The following NAV1 variants were observed in gnomAD, a reference collection of about 807,000 sequenced individuals.
NAV1 encodes the protein neuron navigator 1.
Under a neutral mutation model 175.2 loss-of-function variants are expected in NAV1, and 18 were observed. The ratio of observed to expected loss-of-function variants is 0.10; its 90% CI spans 0.07 to 0.15. The LOEUF is 0.15. Among genes scored for constraint, NAV1 ranks in the 10% least tolerant of loss-of-function variants. The probability of loss-of-function intolerance (pLI) is 1.00; values close to 1 mark genes in which losing one functional copy is unlikely to be tolerated. For synonymous variants in NAV1, 897 were observed against 978.7 expected (o/e 0.92, Z 1.56); for missense variants, 1,731 against 2,436.6 (o/e 0.71, Z 6.10).
At chr1:201,583,848 G>A (rs541722247) in intron 1 of NAV1, among the ~76,000 whole-genome samples, 3 of 152,354 alleles carry the variant, frequency 2.0e-5, no homozygotes, top group East Asian at 1.9e-4. Flanking sequence ...GTGCCTGGGG[G>A]AGAGGAGCCA....
intron 13 of NAV1, chr1:201,792,290 G>A (rs978837922): frequency 6.6e-6 from 1 of 151,934 alleles, no homozygotes; most frequent in African/African-American, 2.4e-5. Context: ...CCAAACTTTT[G>A]TCATGTTCCA....
intron 1 of NAV1, among the ~76,000 whole-genome samples, chr1:201,554,011 C>G (rs569567193): frequency 6.6e-6 from 1 of 152,250 alleles, no homozygotes; most frequent in African/African-American, 2.4e-5. Flanking sequence ...TGTTCAGTGT[C>G]ACCTTCTTTG....
exon 1 of NAV1, chr1:201,649,021 C>T: frequency 1.9e-6 from 3 of 1,613,594 alleles, no homozygotes; most frequent in Admixed American, 3.3e-5. Flanking sequence ...ATGGCCAAGG[C>T]GCCCAAAGGC....
intron 2 of NAV1, among the ~76,000 whole-genome samples, chr1:201,642,525 T>TTCTTTCTTTC (rs1553247051): frequency 3.0e-5 from 3 of 100,412 alleles, no homozygotes; most frequent in East Asian, 2.7e-4. Flanking sequence ...TTCTTTCTTT[T>TTCTTTCTTTC]TTTCTTTCTT....
chr1:201,646,658 C>T (rs558312986), upstream of NAV1, among the ~76,000 whole-genome samples: 36 of 152,226 alleles, frequency 2.4e-4, no homozygotes, highest in African/African-American at 7.5e-4. Flanking sequence ...ATCCCTGTCA[C>T]GGCAGATTTT....
intron 20 of NAV1, 140 bp downstream of exon 24, chr1:201,809,011 G>C: frequency 7.7e-7 from 1 of 1,290,556 alleles, no homozygotes; most frequent in Non-Finnish European, 1.1e-6. Flanking sequence ...ACACTGAGTT[G>C]TAATGGTCCT....
intron 1 of NAV1, among the ~76,000 whole-genome samples, chr1:201,665,934 G>A (rs1669807309): frequency 6.6e-6 from 1 of 151,828 alleles, no homozygotes; most frequent in African/African-American, 2.4e-5. Context: ...TTCCTCTTCT[G>A]GTTTCCAGTC....
chr1:201,648,367 T>A (rs2102329599), exon 1 of NAV1: 1 of 1,216,650 alleles, frequency 8.2e-7, no homozygotes, highest in Non-Finnish European at 1.0e-6. Context: ...TTTTAAATTT[T>A]AATTTGTATT....
exon 5 of NAV1, chr1:201,781,263 A>G (rs1159513303): frequency 1.2e-6 from 2 of 1,613,740 alleles, no homozygotes. Flanking sequence ...CTGTGGCTGT[A>G]ACTTCCCCCA....
intron 15 of NAV1, among the ~76,000 whole-genome samples, chr1:201,798,962 A>G (rs1401990025): frequency 6.6e-6 from 1 of 151,972 alleles, no homozygotes; most frequent in African/African-American, 2.4e-5. Flanking sequence ...TCAGCCTCCC[A>G]AAGTGTTGGG....
At chr1:201,726,010 G>A (rs1672591023) in intron 3 of NAV1, among the ~76,000 whole-genome samples, 1 of 152,206 alleles carries the variant, frequency 6.6e-6, no homozygotes, top group South Asian at 2.1e-4. Context: ...GGTACTTATT[G>A]GGTCCACAGT....
intron 3 of NAV1, among the ~76,000 whole-genome samples, chr1:201,749,816 A>G (rs1673994106): frequency 6.6e-6 from 1 of 152,166 alleles, no homozygotes; most frequent in South Asian, 2.1e-4. Flanking sequence ...TTGGAGGATC[A>G]CTTGAGCCTA....
chr1:201,635,233 G>A (rs569005768), intron 2 of NAV1, among the ~76,000 whole-genome samples: 2 of 151,240 alleles, frequency 1.3e-5, no homozygotes, highest in Admixed American at 1.3e-4. Flanking sequence ...TTTTAGTAGA[G>A]ACGGGGTTTC....
chr1:201,552,336 T>C (rs190321242), intron 1 of NAV1, among the ~76,000 whole-genome samples: 1 of 152,288 alleles, frequency 6.6e-6, no homozygotes, highest in Non-Finnish European at 1.5e-5. Context: ...TGATTGATTA[T>C]TTGGCAGGGT....
chr1:201,564,357 G>A (rs1666293691), intron 1 of NAV1, among the ~76,000 whole-genome samples: 1 of 152,214 alleles, frequency 6.6e-6, no homozygotes, highest in Non-Finnish European at 1.5e-5. Context: ...GCTCACGCCT[G>A]TAATCCCAGC....
intron 11 of NAV1, 90 bp downstream of exon 15, chr1:201,789,882 G>A (rs900868070): frequency 1.3e-5 from 16 of 1,225,434 alleles, no homozygotes; most frequent in Middle Eastern, 3.9e-4. Flanking sequence ...GTAACTGGGC[G>A]GGGGATGGGG....
At chr1:201,823,822 A>C (rs188699762) in exon 30 of NAV1, 14 of 152,350 alleles carry the variant, frequency 9.2e-5, no homozygotes, top group Non-Finnish European at 7.3e-5. Flanking sequence ...AACAAGGGTC[A>C]CACTACTCAG....
At chr1:201,701,679 C>T (rs1037725424) in intron 1 of NAV1, among the ~76,000 whole-genome samples, 4 of 152,198 alleles carry the variant, frequency 2.6e-5, no homozygotes, top group South Asian at 2.1e-4. Context: ...ATGACACCTA[C>T]AGTGAGATAC....
At chr1:201,628,729 C>T (rs1397800080) in intron 1 of NAV1, among the ~76,000 whole-genome samples, 1 of 152,184 alleles carries the variant, frequency 6.6e-6, no homozygotes, top group Non-Finnish European at 1.5e-5. Flanking sequence ...GCTCCCACAG[C>T]CTTTGTTCCT....
Sources: gnomAD v4.1 joint callset for allele counts (sites outside exome capture counted in the v4.1 genomes callset) on GRCh38, gnomAD v4.1.1 for gene constraint, MANE v1.5 for transcripts, NCBI Gene and HGNC (gene_info 2026-07-23, HGNC 2026-07-21) for gene names.